NTN1: variants seen among roughly 807,000 people sequenced by gnomAD.
NTN1 encodes netrin-1.
Under a neutral mutation model 54.2 loss-of-function variants are expected in NTN1, and 11 were observed. That is an observed-to-expected ratio of 0.20 (90% CI 0.13 to 0.34). NTN1 has a LOEUF of 0.34. Among genes scored for constraint, NTN1 ranks in the 10% least tolerant of loss-of-function variants. The probability of loss-of-function intolerance (pLI) is 1.00; values close to 1 mark genes in which losing one functional copy is unlikely to be tolerated. For synonymous variants in NTN1, 371 were observed against 382.0 expected, an observed-to-expected ratio of 0.97 and a Z score of 0.33; for missense variants, 740 against 893.1, an observed-to-expected ratio of 0.83 and a Z score of 2.18.
chr17:9,035,572 A>G (rs2091901016), intron 2 of NTN1, among the ~76,000 whole-genome samples: 1 of 152,094 alleles, frequency 6.6e-6, no homozygotes, highest in Non-Finnish European at 1.5e-5. Flanking sequence ...GCATCTGTTC[A>G]ATTTCACTTT....
intron 1 of NTN1, among the ~76,000 whole-genome samples, chr17:9,021,890 C>G (rs1456585891): frequency 1.3e-5 from 2 of 152,176 alleles, no homozygotes; most frequent in African/African-American, 4.8e-5. Flanking sequence ...CGAACGCGGA[C>G]TTTCCGGCGG....
Position 9,221,153 on chromosome 17 carries a change from C to CG in NTN1, c.1412-15_1412-14insG, listed in dbSNP as rs757559793. ...AATTAGTTTTTGTCTGTGCTCCCCC[C>CG]CCACCCCCCTGCAGACTGCGATTCC... is the stretch of plus-strand genomic sequence containing the variant. On this transcript the variant is annotated splice_polypyrimidine_tract_variant and intron_variant, in intron 5 of 6. Transcript: ENST00000173229. The surrounding 1 kb of genome is among the most constrained non-coding windows in gnomAD (Gnocchi z 4.5). 13 of 1,553,714 alleles carry CG rather than the reference C, an allele frequency of 8.4e-6. No homozygotes were observed. Among genetic ancestry groups the CG allele is most frequent in the African/African-American group, 4.3e-5 (3 of 69,440 alleles).
chr17:9,202,773 C>T (rs1014227522), intron 5 of NTN1, among the ~76,000 whole-genome samples: 4 of 152,218 alleles, frequency 2.6e-5, no homozygotes, highest in Non-Finnish European at 4.4e-5. Flanking sequence ...CAGGATGATT[C>T]AGCCACGGCA....
intron 2 of NTN1, among the ~76,000 whole-genome samples, chr17:9,024,978 T>C (rs1291801549): frequency 2.6e-5 from 4 of 152,240 alleles, no homozygotes; most frequent in African/African-American, 4.8e-5. Context: ...CTTCCTCTTT[T>C]CTTTTCTTCC....
intron 2 of NTN1, among the ~76,000 whole-genome samples, chr17:9,054,338 A>G (rs955740512): frequency 2.6e-5 from 4 of 152,192 alleles, no homozygotes; most frequent in African/African-American, 9.6e-5. Context: ...GCATGGAAAC[A>G]CGAGAGCCCG....
intron 2 of NTN1, among the ~76,000 whole-genome samples, chr17:9,131,566 G>T (rs1355585399): frequency 6.7e-6 from 1 of 150,088 alleles, no homozygotes; most frequent in Admixed American, 6.6e-5. Flanking sequence ...TTTCGGCCAT[G>T]GTATTCCCTT....
At chr17:9,131,902 C>T (rs1244712344) in intron 2 of NTN1, among the ~76,000 whole-genome samples, 1 of 151,852 alleles carries the variant, frequency 6.6e-6, no homozygotes, top group Non-Finnish European at 1.5e-5. Context: ...CTCCTAGGTT[C>T]AAGCAATTCT....
chr17:9,041,931 T>C (rs145271556), intron 2 of NTN1, among the ~76,000 whole-genome samples: 1,516 of 151,090 alleles, frequency 0.01, 26 homozygotes, highest in African/African-American at 0.032. Context: ...ATTGCTTGAA[T>C]CCGGGAGGTG....
intron 2 of NTN1, among the ~76,000 whole-genome samples, chr17:9,116,223 C>T (rs1043468902): frequency 2.6e-5 from 4 of 152,208 alleles, no homozygotes; most frequent in Admixed American, 2.0e-4. Context: ...GAACAGGTGC[C>T]TCTTGGCATG....
intron 2 of NTN1, among the ~76,000 whole-genome samples, chr17:9,057,725 G>A (rs1313205987): frequency 6.6e-6 from 1 of 152,192 alleles, no homozygotes; most frequent in Admixed American, 6.5e-5. Context: ...CAGGTTCCAC[G>A]TAAGGACGTT....
chr17:9,012,269 T>C, the NTN1 span, among the ~76,000 whole-genome samples: 1 of 152,016 alleles, frequency 6.6e-6, no homozygotes, highest in African/African-American at 2.4e-5. Flanking sequence ...CCCAGCACTT[T>C]GGGAGGCCGA....
chr17:9,102,415 C>T (rs577470640), intron 2 of NTN1, among the ~76,000 whole-genome samples: 1 of 152,316 alleles, frequency 6.6e-6, no homozygotes, highest in East Asian at 1.9e-4. Context: ...TGAGAACTAA[C>T]TCACTATCAC....
intron 2 of NTN1, among the ~76,000 whole-genome samples, chr17:9,152,549 G>C (rs987404875): frequency 6.6e-6 from 1 of 152,100 alleles, no homozygotes; most frequent in Non-Finnish European, 1.5e-5. Context: ...TGATCCACCC[G>C]CTGCCTGGAG....
chr17:9,088,583 C>T (rs962697377), intron 2 of NTN1, among the ~76,000 whole-genome samples: 12 of 152,222 alleles, frequency 7.9e-5, no homozygotes, highest in African/African-American at 1.2e-4. Flanking sequence ...CACCTCCACC[C>T]GCTCCTGGGT....
At chr17:9,184,629 C>T (rs2092427946) in intron 5 of NTN1, among the ~76,000 whole-genome samples, 1 of 152,214 alleles carries the variant, frequency 6.6e-6, no homozygotes, top group Admixed American at 6.5e-5. Flanking sequence ...AAGGGCAAGA[C>T]AGACCTCAAT....
At chr17:9,075,949 G>C (rs566912418) in intron 2 of NTN1, among the ~76,000 whole-genome samples, 1 of 152,360 alleles carries the variant, frequency 6.6e-6, no homozygotes, top group South Asian at 2.1e-4. Context: ...TGACGTTAGG[G>C]AGGCCCCATG....
At position 9,141,936 on chromosome 17, in the gene NTN1, C is replaced by T. The variant is rs180839514; in HGVS notation, c.1019-20877C>T. Reference sequence around the variant, plus strand: ...AATTAGCTGGGCGTACTCAGGAGTTCGAGACCAGCCTGGCCAACTTGGTGA... The same window carrying T: ...AATTAGCTGGGCGTACTCAGGAGTTTGAGACCAGCCTGGCCAACTTGGTGA... On this transcript the variant is annotated intron_variant, in intron 2 of 6. Transcript: ENST00000173229. 9.2e-5 allele frequency among the ~76,000 whole-genome samples: 14 copies of T among 152,010 alleles called. No individual in the cohort carries two copies. In the South Asian group the frequency reaches 1.5e-3, roughly 16 times the overall value.
chr17:9,046,859 C>T (rs1269268573), intron 2 of NTN1, among the ~76,000 whole-genome samples: 1 of 151,950 alleles, frequency 6.6e-6, no homozygotes, highest in Non-Finnish European at 1.5e-5. Context: ...TGATACGATC[C>T]AGCAATTCCA....
At chr17:9,094,455 G>A (rs1057222034) in intron 2 of NTN1, among the ~76,000 whole-genome samples, 9 of 151,880 alleles carry the variant, frequency 5.9e-5, no homozygotes, top group South Asian at 2.1e-4. Flanking sequence ...ATGTATGTAC[G>A]AATATAATAT....
Sources: gnomAD v4.1 joint callset for allele counts (sites outside exome capture counted in the v4.1 genomes callset) on GRCh38, gnomAD v4.1.1 for gene constraint, Gnocchi (gnomAD v3.1) non-coding constraint, MANE v1.5 for transcripts, NCBI Gene and HGNC (gene_info 2026-07-23, HGNC 2026-07-21) for gene names.